BRD7: variants seen among roughly 807,000 people sequenced by gnomAD.
The protein encoded by BRD7 is bromodomain-containing protein 7.
BRD7 carries 15 observed loss-of-function variants against 82.1 expected under a neutral mutation model. The observed-to-expected ratio is 0.18, with a 90% CI of 0.12 to 0.28. The LOEUF is 0.28. Among genes scored for constraint, BRD7 ranks in the 10% least tolerant of loss-of-function variants. The probability of loss-of-function intolerance (pLI) is 1.00; values close to 1 mark genes in which losing one functional copy is unlikely to be tolerated. For missense variants in BRD7, 638 were observed against 779.9 expected (o/e 0.82, Z 2.17); for synonymous variants, 232 against 266.9 (o/e 0.87, Z 1.27).
chr16:50,323,136 G>C (rs2037188499), intron 12 of BRD7, among the ~76,000 whole-genome samples: 1 of 152,194 alleles, frequency 6.6e-6, no homozygotes, highest in Non-Finnish European at 1.5e-5. Context: ...ATCTCCAACT[G>C]AACTAGAGAT....
chr16:50,355,056 G>T (rs747845638), intron 2 of BRD7, 134 bp from the exon 3 acceptor site: 8 of 1,055,194 alleles, frequency 7.6e-6, no homozygotes, highest in Non-Finnish European at 1.1e-5. Flanking sequence ...GTACTTTACT[G>T]CCATCTACTG....
At chr16:50,326,785 T>G (rs2037358284) in intron 9 of BRD7, among the ~76,000 whole-genome samples, 1 of 152,218 alleles carries the variant, frequency 6.6e-6, no homozygotes, top group Non-Finnish European at 1.5e-5. Flanking sequence ...ACAAAAGGGC[T>G]ACTAACACAT....
intron 8 of BRD7, among the ~76,000 whole-genome samples, chr16:50,329,313 AC>A (rs1474698916): frequency 6.6e-6 from 1 of 152,130 alleles, no homozygotes; most frequent in Non-Finnish European, 1.5e-5. Flanking sequence ...GCTACTATGG[AC>A]CAGGTGAGGG....
At chr16:50,368,477 A>C in intron 1 of BRD7, 179 bp from the exon 2 acceptor site, 1 of 796,984 alleles carries the variant, frequency 1.3e-6, no homozygotes, top group Non-Finnish European at 1.9e-6. Flanking sequence ...GCCCGCCCCG[A>C]ACGCTCCCAG....
At chr16:50,340,673 T>C (rs1265373751) in intron 5 of BRD7, among the ~76,000 whole-genome samples, 1 of 152,204 alleles carries the variant, frequency 6.6e-6, no homozygotes, top group East Asian at 1.9e-4. Flanking sequence ...ATTTGCAGAA[T>C]GTTGCAAAAC....
In BRD7 at chr16:50,368,920, C is replaced by T; in HGVS notation, c.-146G>A. The T allele has an allele frequency of 7.4e-6, 2 of 269,170 alleles. No individual in the cohort carries two copies. The highest frequency in any genetic ancestry group is 1.1e-5 in the Non-Finnish European group (2 of 177,666). 16.7% of individuals were successfully genotyped at this position (269,170 alleles called of 1,614,324 possible). On this transcript the variant is annotated 5_prime_UTR_variant, in exon 1 of 17. Transcript: ENST00000394688. ...CAGGGGGGCGGCGCGCGCCGGGCGG[C>T]GCGATGCCCCTCTCGAGAAGACGGC...
intron 2 of BRD7, chr16:50,361,764 T>G (rs35928927): frequency 6.6e-6 from 1 of 152,174 alleles, no homozygotes; most frequent in Non-Finnish European, 1.5e-5. Flanking sequence ...CTCCCCTCCA[T>G]GCATTCTGTG....
In BRD7 at chr16:50,354,938, G is replaced by T; in HGVS notation, c.259-16C>A. The T allele has an allele frequency of 6.2e-7, 1 of 1,608,120 alleles. No homozygotes were observed. The highest frequency in any genetic ancestry group is 8.5e-7 in the Non-Finnish European group (1 of 1,178,086). The stretch of plus-strand genomic sequence containing the variant: ...TTTTATCCTCCTAAATGGAACAAAG[G>T]GAGATAATTTAGAAATATTTCAGAA... On this transcript the variant is annotated splice_polypyrimidine_tract_variant and intron_variant, in intron 2 of 16. Coordinates refer to ENST00000394688, the MANE Select transcript of BRD7 (RefSeq NM_013263.5).
intron 2 of BRD7, among the ~76,000 whole-genome samples, chr16:50,358,138 G>T (rs1435913165): frequency 1.3e-5 from 2 of 152,106 alleles, no homozygotes; most frequent in African/African-American, 4.8e-5. Flanking sequence ...AAATGTAAAT[G>T]AATTAATTTG....
chr16:50,326,154 G>C, intron 10 of BRD7, 130 bp downstream of exon 10: 1 of 760,132 alleles, frequency 1.3e-6, no homozygotes, highest in Non-Finnish European at 2.1e-6. Flanking sequence ...TAATAAAATA[G>C]CTAATTAATG....
At chr16:50,354,620 G>A in intron 3 of BRD7, 138 bp from the exon 4 acceptor site, 1 of 1,204,948 alleles carries the variant, frequency 8.3e-7, no homozygotes, top group East Asian at 2.4e-5. Flanking sequence ...ATTGAAGTTT[G>A]AGAGTATTAA....
At chr16:50,349,369 C>A (rs2038422848) in intron 5 of BRD7, 1 of 335,972 alleles carries the variant, frequency 3.0e-6, no homozygotes, top group African/African-American at 2.2e-5. Flanking sequence ...ACGTTGTGCA[C>A]ATGTACCCTA....
At chr16:50,323,102 C>A (rs2037187232) in intron 12 of BRD7, among the ~76,000 whole-genome samples, 1 of 152,348 alleles carries the variant, frequency 6.6e-6, no homozygotes, top group Admixed American at 6.5e-5. Context: ...AGCCAAAACT[C>A]TGAATGATTC....
At position 50,333,649 on chromosome 16, in the gene BRD7, C is replaced by G. The variant is rs2151156116; in HGVS notation, c.936G>C (p.Glu312Asp). Residue 312 changes from glutamate to aspartate, a missense_variant, in exon 8 of 17, where the codon GAG (glutamate) becomes GAC (aspartate). Around this residue, in one of 3 missense-constraint regions of BRD7, gnomAD observed 402 missense variants for 500.8 expected, o/e 0.80. Transcript: ENST00000394688. ...LEDKFKSNNL[E>D]REQEQLDRIV... ...TGCGGTCAAGCTGCTCCTGCTCTCT[C>G]TCTAAATTATTGCTTTTAAACTTAT... The G allele has an allele frequency of 1.2e-6, 2 of 1,610,102 alleles. No homozygotes were observed. The highest frequency in any genetic ancestry group is 4.5e-5 in the East Asian group (2 of 44,868).
chr16:50,354,350 G>C, intron 4 of BRD7, 75 bp downstream of exon 4: 1 of 1,250,172 alleles, frequency 8.0e-7, no homozygotes. Flanking sequence ...TTGGAGTTAG[G>C]CACAAATGTG....
chr16:50,335,410 C>T lies in BRD7; in HGVS notation c.703-515G>A, dbSNP rs149545570. On this transcript the variant is annotated intron_variant, in intron 6 of 16. Transcript: ENST00000394688. ...CTTGAGGAGAAGACAGTTGGTGGCACAGTTCCTTCCTCAGAGTGCAGAATG... is the reference window on the plus strand; with the variant it reads ...CTTGAGGAGAAGACAGTTGGTGGCATAGTTCCTTCCTCAGAGTGCAGAATG... Among the ~76,000 whole-genome samples the T allele has an allele frequency of 9.7e-4, 148 of 152,302 alleles. 1 individual carries two copies. The highest frequency in any genetic ancestry group is 3.4e-3 in the African/African-American group (142 of 41,574).
Position 50,320,378 on chromosome 16 carries a change from G to A in BRD7, c.1626C>T (p.Phe542=). Residue 542 remains phenylalanine, a synonymous_variant, in exon 15 of 17, where the codon TTC becomes TTT. Coordinates refer to ENST00000394688, the MANE Select transcript of BRD7 (RefSeq NM_013263.5). The part of the protein sequence containing the change: ...EVFDSEEAEI[F]QKKLDETTRL... ...TGGTGGTCTCATCAAGTTTCTTCTG[G>A]AATATTTCAGCTTCTGTGTGGTAAG... 1 of 1,613,388 alleles carries A rather than the reference G, an allele frequency of 6.2e-7. No individual in the cohort carries two copies. The highest frequency in any genetic ancestry group is 1.1e-5 in the South Asian group (1 of 91,016).
At chr16:50,368,359 A>G in intron 1 of BRD7, 61 bp from the exon 2 acceptor site, 1 of 1,540,402 alleles carries the variant, frequency 6.5e-7, no homozygotes, top group South Asian at 1.2e-5. Context: ...CTCTCCAGGG[A>G]GTGCTAAGGA....
Position 50,368,132 on chromosome 16 carries a change from C to T in BRD7, c.216G>A (p.Gln72=). 6.2e-7 allele frequency: 1 copy of T among 1,614,048 alleles called. No homozygotes were observed. Among genetic ancestry groups the T allele is most frequent in the South Asian group, 1.1e-5 (1 of 91,074 alleles). The part of the protein sequence containing the change: ...KRKKRKKGEK[Q]IPGEEKGRKR... The stretch of plus-strand genomic sequence containing the variant: ...TTCTCCCCTTTTCTTCCCCTGGAAT[C>T]TGCTTCTCTCCTTTCTTTCTCTTTT... The change falls in exon 2 of 17, where the codon CAG becomes CAA. Residue 72 remains glutamine (Q), a synonymous_variant. Transcript: ENST00000394688.
Sources: allele counts gnomAD v4.1 joint callset (sites outside exome capture counted in the v4.1 genomes callset), GRCh38; gene constraint gnomAD v4.1.1; regional missense constraint gnomAD v4.1.1; transcripts MANE v1.5; gene names NCBI Gene and HGNC (gene_info 2026-07-23, HGNC 2026-07-21).